Variants in TRPC3 observed in about 807,000 individuals in gnomAD.
The protein encoded by TRPC3 is short transient receptor potential channel 3.
A neutral mutation model predicts 90.9 loss-of-function variants in TRPC3; 54 were observed. That is an observed-to-expected ratio of 0.59 (90% CI 0.48 to 0.75). TRPC3 has a LOEUF of 0.75. Ranked by LOEUF, TRPC3 falls within the 30% of genes least tolerant of loss-of-function variation. TRPC3 has a pLI of 0.00. For synonymous variants in TRPC3, 424 were observed against 450.9 expected, an observed-to-expected ratio of 0.94 and a Z score of 0.75; for missense variants, 918 against 1,194.5, an observed-to-expected ratio of 0.77 and a Z score of 3.41.
At chr4:121,909,251 G>A (rs884701) in intron 6 of TRPC3, among the ~76,000 whole-genome samples, 44,367 of 151,804 alleles carry the variant, frequency 0.29, 6,944 homozygotes, top group East Asian at 0.43. Context: ...ATTTTGGAGC[G>A]GAAGTCCAGC....
In TRPC3 at chr4:121,914,901, C is replaced by CTG; in HGVS notation, c.1219_1220insCA (p.Trp407SerfsTer9). On this transcript the variant is annotated frameshift_variant, in exon 4 of 12. Coordinates refer to ENST00000379645, the MANE Select transcript of TRPC3 (RefSeq NM_001130698.2). LOFTEE classifies it high-confidence loss of function. ...CCTTAGGCCTGAGAGGTTCTCATAC[C>CTG]AGATCGTCAAGAGCTGCTGCTGGCA... 1 of 1,611,708 alleles carries CTG rather than the reference C, an allele frequency of 6.2e-7. No homozygotes were observed. Among genetic ancestry groups the CTG allele is most frequent in the Non-Finnish European group, 8.5e-7 (1 of 1,178,242 alleles).
At position 121,925,479 on chromosome 4, in the gene TRPC3, C is replaced by T. The variant is rs537917862; in HGVS notation, c.988-273G>A. On this transcript the variant is annotated intron_variant, in intron 2 of 11. Coordinates refer to ENST00000379645, the MANE Select transcript of TRPC3 (RefSeq NM_001130698.2). ...ACTTATATGTGGAATCTAAAAAAGT[C>T]ATACTCAGAGAATAGAAAAGTGGCT... Among the ~76,000 whole-genome samples the T allele has an allele frequency of 2.0e-5, 3 of 151,856 alleles. No homozygotes were observed. The South Asian group carries it at 6.3e-4, about 32-fold the overall frequency.
chr4:121,904,438 G>T lies in TRPC3; in HGVS notation c.2137C>A (p.His713Asn), dbSNP rs1728814132. Reference protein sequence around the residue: ...EVTSVVLKYDHKFIENIGYVL... With the variant: ...EVTSVVLKYDNKFIENIGYVL... The stretch of plus-strand genomic sequence containing the variant: ...TATCCAATATTTTCTATGAATTTGT[G>T]ATCATATTTGAGCACAACGGAAGTC... Residue 713 changes from histidine (H) to asparagine (N), a missense_variant, in exon 8 of 12, where the codon CAC becomes AAC. Transcript: ENST00000379645. The T allele has an allele frequency of 6.2e-7, 1 of 1,604,904 alleles. No homozygotes were observed. The highest frequency in any genetic ancestry group is 1.1e-5 in the South Asian group (1 of 89,166).
At position 121,914,846 on chromosome 4, in the gene TRPC3, A is replaced by T. The variant is rs766562745; in HGVS notation, c.1275T>A (p.Val425=). 7.4e-6 allele frequency: 12 copies of T among 1,613,844 alleles called. No individual in the cohort carries two copies. Among genetic ancestry groups the T allele is most frequent in the Admixed American group, 3.3e-5 (2 of 59,988 alleles). The change falls in exon 4 of 12, where the codon GTT becomes GTA. Residue 425 remains valine, a synonymous_variant. Coordinates refer to ENST00000379645, the MANE Select transcript of TRPC3 (RefSeq NM_001130698.2). ...GAAGGCCCAGGGCCACGACCAGCAC[A>T]ACGAGACACTTGATAGCTATGGTCT... ...REQTIAIKCL[V]VLVVALGLPF... is the part of the protein sequence containing the mutation.
Position 121,951,797 on chromosome 4 carries a change from G to A in TRPC3, c.-117C>T, listed in dbSNP as rs555496354. 5 of 778,272 alleles carry A rather than the reference G, an allele frequency of 6.4e-6. No individual in the cohort carries two copies. In the South Asian group the frequency reaches 2.3e-4, roughly 36 times the overall value. The allele number at this position is 778,272 out of a possible 1,614,324, so 48.2% of individuals were successfully genotyped here. A position where few individuals can be genotyped will look rare whatever the true frequency, so the allele number is the denominator to read the frequency against. On this transcript the variant is annotated 5_prime_UTR_variant, in exon 1 of 12. Coordinates refer to ENST00000379645, the MANE Select transcript of TRPC3 (RefSeq NM_001130698.2). This position sits in a 1 kb window ranked among gnomAD's most constrained non-coding sequence, Gnocchi z 4.4. ...CCTCCCGCGGCTTCCGGGGCCCCGG[G>A]CGGCCCAGGGCGGGAAGGCAGGAGC...
At chr4:121,896,487 AC>A (rs1728519721) in intron 10 of TRPC3, among the ~76,000 whole-genome samples, 1 of 152,154 alleles carries the variant, frequency 6.6e-6, no homozygotes, top group Non-Finnish European at 1.5e-5. Flanking sequence ...AAATTAACAT[AC>A]AAAAATCAGT....
At chr4:121,904,872 G>A (rs972903148) in intron 7 of TRPC3, among the ~76,000 whole-genome samples, 1 of 152,080 alleles carries the variant, frequency 6.6e-6, no homozygotes, top group African/African-American at 2.4e-5. Context: ...ATTTAAATCA[G>A]GTTTTCTGTA....
chr4:121,897,607 T>C (rs1304460703), intron 10 of TRPC3, among the ~76,000 whole-genome samples: 1 of 151,600 alleles, frequency 6.6e-6, no homozygotes, highest in Non-Finnish European at 1.5e-5. Context: ...ACAATGAGGT[T>C]ATCATCTCAC....
At chr4:121,949,736 A>G (rs899996160) in intron 1 of TRPC3, among the ~76,000 whole-genome samples, 3 of 152,212 alleles carry the variant, frequency 2.0e-5, no homozygotes, top group African/African-American at 7.2e-5. Flanking sequence ...CAAAATAAGT[A>G]TACCACAACA....
chr4:121,913,697 G>A (rs1729192801), intron 4 of TRPC3, among the ~76,000 whole-genome samples: 1 of 151,970 alleles, frequency 6.6e-6, no homozygotes, highest in Non-Finnish European at 1.5e-5. Context: ...TTCATCTTTA[G>A]TGTTTACGTA....
chr4:121,951,065 C>A lies in TRPC3; in HGVS notation c.215+401G>T, dbSNP rs958792622. On this transcript the variant is annotated intron_variant, in intron 1 of 11. Transcript: ENST00000379645. The surrounding 1 kb of genome is among the most constrained non-coding windows in gnomAD (Gnocchi z 4.4). ...GCACATCTTCCCCTTCCTCGGCCTC[C>A]CTGGGTAAGCTCGGGACCCCGGGGT... Among the ~76,000 whole-genome samples the A allele has an allele frequency of 6.6e-6, 1 of 152,188 alleles. No homozygotes were observed. Among genetic ancestry groups the A allele is most frequent in the Non-Finnish European group, 1.5e-5 (1 of 68,040 alleles).
At chr4:121,890,017 T>A (rs7672879) in intron 10 of TRPC3, among the ~76,000 whole-genome samples, 56,798 of 151,990 alleles carry the variant, frequency 0.37, 10,834 homozygotes, top group East Asian at 0.64. Flanking sequence ...TTGTGGCAAC[T>A]CAGATGGACC....
At chr4:121,935,858 A>T (rs925954342) in intron 1 of TRPC3, among the ~76,000 whole-genome samples, 2 of 152,200 alleles carry the variant, frequency 1.3e-5, no homozygotes, top group African/African-American at 4.8e-5. Flanking sequence ...CTCCCAAAAG[A>T]CACCAGGTTG....
intron 10 of TRPC3, among the ~76,000 whole-genome samples, chr4:121,885,228 C>A (rs1006452297): frequency 6.6e-6 from 1 of 152,152 alleles, no homozygotes; most frequent in Non-Finnish European, 1.5e-5. Context: ...AAATGATCTG[C>A]AGCTCAGAGA....
intron 1 of TRPC3, among the ~76,000 whole-genome samples, chr4:121,944,608 C>G (rs1012851770): frequency 6.6e-6 from 1 of 152,084 alleles, no homozygotes; most frequent in Non-Finnish European, 1.5e-5. Flanking sequence ...GGACTGGGAT[C>G]CTCTCACCTC....
At chr4:121,893,298 T>C (rs1354802491) in intron 10 of TRPC3, among the ~76,000 whole-genome samples, 1 of 152,102 alleles carries the variant, frequency 6.6e-6, no homozygotes, top group African/African-American at 2.4e-5. Context: ...ATAATAATTA[T>C]GATAATGTGG....
chr4:121,910,326 C>G lies in TRPC3; in HGVS notation c.1620G>C (p.Gln540His). Residue 540 changes from glutamine (Q) to histidine (H), a missense_variant, in exon 6 of 12, where the codon CAG (glutamine) becomes CAC (histidine). Physicochemically the swap from Gln to His is conservative, Grantham distance 24. This residue lies in a region of TRPC3 where 147 missense variants were observed against 263.5 expected (regional missense o/e 0.56). Transcript: ENST00000379645. ...WLEGPREYIL[Q>H]LWNVLDFGML... ...TCCCAAAGTCAAGCACATTCCACAA[C>G]TGCAAAATGTATTCCCTAGGTCCTT... 1.2e-6 allele frequency: 2 copies of G among 1,613,846 alleles called. No individual in the cohort carries two copies. Among genetic ancestry groups the G allele is most frequent in the East Asian group, 4.5e-5 (2 of 44,880 alleles).
Position 121,875,141 on chromosome 4 carries a change from A to G in TRPC3, c.*4595T>C, listed in dbSNP as rs1727729866. Among the ~76,000 whole-genome samples the G allele has an allele frequency of 6.6e-6, 1 of 151,938 alleles. No homozygotes were observed. Among genetic ancestry groups the G allele is most frequent in the African/African-American group, 2.4e-5 (1 of 41,418 alleles). On this transcript the variant is annotated 3_prime_UTR_variant, in exon 12 of 12. Coordinates refer to ENST00000379645, the MANE Select transcript of TRPC3 (RefSeq NM_001130698.2). ...GTTCTAATAAATAGGTAAAAAAAAA[A>G]ACACCAAAGACAGACAATGCTGGCA...
chr4:121,892,280 C>T lies in TRPC3; in HGVS notation c.2547+7332G>A, dbSNP rs530312957. Among the ~76,000 whole-genome samples, 3 of 152,290 alleles carry T rather than the reference C, an allele frequency of 2.0e-5. No homozygotes were observed. In the South Asian group the frequency reaches 6.2e-4, roughly 32 times the overall value. On this transcript the variant is annotated intron_variant, in intron 10 of 11. Transcript: ENST00000379645. ...TTCAGCAGACACTGCCACTTCTCTT[C>T]CACAGCTTTTTAGTTTGGCACATGG...
Sources: gnomAD v4.1 joint callset for allele counts (sites outside exome capture counted in the v4.1 genomes callset) on GRCh38, gnomAD v4.1.1 for gene constraint, gnomAD v4.1.1 regional missense constraint, Gnocchi (gnomAD v3.1) non-coding constraint, MANE v1.5 for transcripts, NCBI Gene and HGNC (gene_info 2026-07-23, HGNC 2026-07-21) for gene names.